STAB1: variants seen among roughly 807,000 people sequenced by gnomAD.
STAB1 encodes the protein stabilin 1, also known as stabilin-1.
A neutral mutation model predicts 332.4 loss-of-function variants in STAB1; 250 were observed. The ratio of observed to expected loss-of-function variants is 0.75; its 90% CI spans 0.68 to 0.84. The LOEUF is 0.84. Ranked by LOEUF, STAB1 falls within the 40% of genes least tolerant of loss-of-function variation. STAB1 has a pLI of 0.00. For missense variants in STAB1, 3,249 were observed against 3,489.7 expected (o/e 0.93, Z 1.74); for synonymous variants, 1,475 against 1,390.4 (o/e 1.06, Z -1.35).
Position 52,522,627 on chromosome 3 carries a change from C to T in STAB1, c.6683C>T (p.Ala2228Val), listed in dbSNP as rs751251539. The T allele has an allele frequency of 1.4e-5, 23 of 1,612,854 alleles. No homozygotes were observed. Among genetic ancestry groups the T allele is most frequent in the Middle Eastern group, 1.6e-4 (1 of 6,084 alleles). Reference sequence around the variant, plus strand: ...GGTCTGAACTTTTCGGAGGCTGAGGCGGCATGCGAAGCACAGGGAGCCGTC... The same window carrying T: ...GGTCTGAACTTTTCGGAGGCTGAGGTGGCATGCGAAGCACAGGGAGCCGTC... ...PYGLNFSEAE[A>V]ACEAQGAVLA... is the part of the protein sequence containing the mutation. Residue 2228 changes from alanine to valine, a missense_variant, in exon 61 of 69, where the codon GCG (alanine) becomes GTG (valine). Coordinates refer to ENST00000321725, the MANE Select transcript of STAB1 (RefSeq NM_015136.3).
chr3:52,514,484 C>A lies in STAB1; in HGVS notation c.3666C>A (p.Asn1222Lys), dbSNP rs1440187431. The A allele has an allele frequency of 1.3e-6, 2 of 1,526,534 alleles. No homozygotes were observed. The highest frequency in any genetic ancestry group is 8.8e-7 in the Non-Finnish European group (1 of 1,137,694). The allele number at this position is 1,526,534 out of a possible 1,614,324, so 94.6% of individuals were successfully genotyped here. ...LGPAHWIVFYNHSGQPEVNHV... is the reference protein window; with the variant it reads ...LGPAHWIVFYKHSGQPEVNHV... ...CTGCCCACTGGATCGTCTTCTACAA[C>A]CACAGTGGCCAGGTTTGGGGGTCAG... is the stretch of plus-strand genomic sequence containing the variant. The change falls in exon 34 of 69, where the codon AAC (asparagine) becomes AAA (lysine). Residue 1222 changes from asparagine (N) to lysine (K), a missense_variant. Asn to Lys is a moderately conservative substitution (Grantham distance 94). Coordinates refer to ENST00000321725, the MANE Select transcript of STAB1 (RefSeq NM_015136.3).
At position 52,509,220 on chromosome 3, in the gene STAB1, G is replaced by A; in HGVS notation, c.2246G>A (p.Gly749Glu). ...PCYGKGNCSD[G>E]IQGNGACLCF... is the part of the protein sequence containing the mutation. ...CTGCTCACTCTCTAGTGCAGTGATGGGATCCAGGGCAATGGGGCCTGCCTC... is the reference window on the plus strand; with the variant it reads ...CTGCTCACTCTCTAGTGCAGTGATGAGATCCAGGGCAATGGGGCCTGCCTC... The change falls in exon 22 of 69, where the codon GGG becomes GAG. Residue 749 changes from glycine (G) to glutamate (E), a missense_variant. Physicochemically the swap from Gly to Glu is moderately conservative, Grantham distance 98. Transcript: ENST00000321725. 1 of 1,613,512 alleles carries A rather than the reference G, an allele frequency of 6.2e-7. No homozygotes were observed. The highest frequency in any genetic ancestry group is 8.5e-7 in the Non-Finnish European group (1 of 1,179,886).
chr3:52,521,647 G>A lies in STAB1; in HGVS notation c.6110G>A (p.Gly2037Asp). 6.2e-7 allele frequency: 1 copy of A among 1,613,112 alleles called. No homozygotes were observed. The highest frequency in any genetic ancestry group is 8.5e-7 in the Non-Finnish European group (1 of 1,179,930). The change falls in exon 57 of 69, where the codon GGC becomes GAC. Residue 2037 changes from glycine to aspartate, a missense_variant. By Grantham distance (94) the Gly-to-Asp change is moderately conservative. Coordinates refer to ENST00000321725, the MANE Select transcript of STAB1 (RefSeq NM_015136.3). ...TGTGATGAGGGCCTTGGGGGCTCTG[G>A]CTCCTGCTTCTGTGATGAAGGCTGG... ...GRCDEGLGGS[G>D]SCFCDEGWTG...
At chr3:52,501,091 C>G in intron 1 of STAB1, 75 bp from the exon 2 acceptor site, 4 of 1,563,006 alleles carry the variant, frequency 2.6e-6, no homozygotes, top group Admixed American at 1.7e-5. Context: ...GGTGTGAGCC[C>G]TTGCAGCACT....
In STAB1 at chr3:52,514,824, C is replaced by T. The variant is rs1258527318; in HGVS notation, c.3802C>T (p.Leu1268=). Residue 1268 remains leucine, a synonymous_variant, in exon 35 of 69, where the codon CTG becomes TTG. Transcript: ENST00000321725. ...SRCLHSHAEA[L]REKCVNCTRR... is the part of the protein sequence containing the mutation. The stretch of plus-strand genomic sequence containing the variant: ...CTGCCTGCATAGCCACGCTGAGGCC[C>T]TGCGGGTGAGAGGCTGGGGCCACAG... 8 of 1,612,774 alleles carry T rather than the reference C, an allele frequency of 5.0e-6. No individual in the cohort carries two copies. In the African/African-American group the frequency reaches 6.7e-5, roughly 13 times the overall value.
chr3:52,500,389 T>C (rs1292937066), intron 1 of STAB1, among the ~76,000 whole-genome samples: 3 of 152,226 alleles, frequency 2.0e-5, no homozygotes, highest in East Asian at 3.8e-4. Flanking sequence ...TGGCCCGTTG[T>C]CTCCTGTGAC....
Position 52,509,205 on chromosome 3 carries a change from T to G in STAB1, c.2236-5T>G, listed in dbSNP as rs1709107653. ...GACTGATCCTGCCTTCTGCTCACTC[T>G]CTAGTGCAGTGATGGGATCCAGGGC... On this transcript the variant is annotated splice_region_variant and splice_polypyrimidine_tract_variant and intron_variant, in intron 21 of 68. Transcript: ENST00000321725. The G allele has an allele frequency of 7.4e-6, 12 of 1,612,986 alleles. No homozygotes were observed. The highest frequency in any genetic ancestry group is 1.0e-5 in the Non-Finnish European group (12 of 1,179,514).
rs780357271 is a variant in STAB1 at position 52,524,117 on chromosome 3, TGAC to T, written c.7564_7566del (p.Asp2522del). ...GCTCCCAGGCGGAAGATGATGCTGA[TGAC>T]GACTTCTCACCGTGGCAAGAAGGGA... is the stretch of plus-strand genomic sequence containing the variant. On this transcript the variant is annotated inframe_deletion, in exon 68 of 69. Coordinates refer to ENST00000321725, the MANE Select transcript of STAB1 (RefSeq NM_015136.3). 1.1e-5 allele frequency: 17 copies of T among 1,613,622 alleles called. No individual in the cohort carries two copies. In the Admixed American group the frequency reaches 1.5e-4, roughly 14 times the overall value.
At chr3:52,508,854 AG>A (rs1189030994) in intron 21 of STAB1, among the ~76,000 whole-genome samples, 3 of 149,534 alleles carry the variant, frequency 2.0e-5, no homozygotes, top group Non-Finnish European at 4.5e-5. Context: ...TAATAATAAT[AG>A]ATAGATAGAT....
rs370211441 is a variant in STAB1, at chr3:52,519,421, C to T, written c.5175+17C>T. On this transcript the variant is annotated intron_variant, in intron 49 of 68. Transcript: ENST00000321725. ...ATCCCGAGGGTATGACAAGCACGGGCCTGGGAGCTGGAAGACAGGCAGGTG... is the reference window on the plus strand; with the variant it reads ...ATCCCGAGGGTATGACAAGCACGGGTCTGGGAGCTGGAAGACAGGCAGGTG... 3.7e-6 allele frequency: 6 copies of T among 1,612,280 alleles called. No homozygotes were observed. The highest frequency in any genetic ancestry group is 5.1e-6 in the Non-Finnish European group (6 of 1,179,394).
In STAB1 at chr3:52,514,098, C is replaced by T; in HGVS notation, c.3448-17C>T. 6.2e-7 allele frequency: 1 copy of T among 1,612,618 alleles called. No homozygotes were observed. Among genetic ancestry groups the T allele is most frequent in the East Asian group, 2.2e-5 (1 of 44,870 alleles). On this transcript the variant is annotated splice_polypyrimidine_tract_variant and intron_variant, in intron 32 of 68. Transcript: ENST00000321725. Reference sequence around the variant, plus strand: ...GACAACTAATATGCCCATCCCTGACCTCCACCCCATCCCTAGCACCATGGG... The same window carrying T: ...GACAACTAATATGCCCATCCCTGACTTCCACCCCATCCCTAGCACCATGGG...
chr3:52,515,546 A>G (rs2153233757), intron 37 of STAB1, 40 bp downstream of exon 37: 3 of 1,607,934 alleles, frequency 1.9e-6, no homozygotes, highest in Non-Finnish European at 2.5e-6. Context: ...GTCCAGAGAG[A>G]AGGAGGTGGG....
Position 52,519,569 on chromosome 3 carries a change from T to C in STAB1, c.5235+5T>C. Reference sequence around the variant, plus strand: ...ATCTTCAGCGGCCTCCTGAAGGTACTGCTCCCGTGTGGGCCTGTCATTGTG... The same window carrying C: ...ATCTTCAGCGGCCTCCTGAAGGTACCGCTCCCGTGTGGGCCTGTCATTGTG... On this transcript the variant is annotated splice_donor_5th_base_variant and intron_variant, in intron 50 of 68. Coordinates refer to ENST00000321725, the MANE Select transcript of STAB1 (RefSeq NM_015136.3). The C allele has an allele frequency of 6.2e-7, 1 of 1,613,094 alleles. No homozygotes were observed. Among genetic ancestry groups the C allele is most frequent in the Non-Finnish European group, 8.5e-7 (1 of 1,179,952 alleles).
At chr3:52,506,633 A>T in intron 17 of STAB1, 59 bp from the exon 18 acceptor site, 1 of 1,524,124 alleles carries the variant, frequency 6.6e-7, no homozygotes, top group Non-Finnish European at 8.8e-7. Flanking sequence ...GGAGGTGGGC[A>T]GCCCCACCGG....
intron 35 of STAB1, 55 bp downstream of exon 35, chr3:52,514,884 C>G: frequency 6.2e-7 from 1 of 1,612,818 alleles, no homozygotes. Context: ...CTGGGAGGGC[C>G]TAGCTGACCT....
chr3:52,518,235 G>A (rs1034652272), intron 45 of STAB1, 77 bp from the exon 46 acceptor site: 2 of 1,596,708 alleles, frequency 1.3e-6, no homozygotes, highest in East Asian at 4.5e-5. Flanking sequence ...GCTAGACCTT[G>A]GGCCGCAGGT....
chr3:52,504,774 C>T lies in STAB1; in HGVS notation c.1275C>T (p.Ile425=). Residue 425 remains isoleucine, a synonymous_variant, in exon 12 of 69, where the codon ATC becomes ATT. Transcript: ENST00000321725. The part of the protein sequence containing the change: ...SLAQQLCRQH[I]IAGQHILEDT... ...CCCAGCAGCTCTGTAGACAGCACAT[C>T]ATCGCAGGGCAGCACATCCTGGAGG... The T allele has an allele frequency of 6.2e-7, 1 of 1,613,916 alleles. No individual in the cohort carries two copies. Among genetic ancestry groups the T allele is most frequent in the East Asian group, 2.2e-5 (1 of 44,892 alleles).
At chr3:52,496,244 C>T (rs1042007652) in intron 1 of STAB1, among the ~76,000 whole-genome samples, 5 of 152,262 alleles carry the variant, frequency 3.3e-5, no homozygotes, top group African/African-American at 1.2e-4. Flanking sequence ...TGACAGGCTC[C>T]TGGCTGCAGG....
In STAB1 at chr3:52,505,906, G is replaced by T. The variant is rs146449226; in HGVS notation, c.1719G>T (p.Leu573Phe). 5 of 1,613,810 alleles carry T rather than the reference G, an allele frequency of 3.1e-6. No homozygotes were observed. In the African/African-American group the frequency reaches 6.7e-5, roughly 22 times the overall value. The stretch of plus-strand genomic sequence containing the variant: ...AGGGTCTCTCTAAACTGCAGGAGTT[G>T]GTGCGGTACCACATCTACAACCACG... Reference protein sequence around the residue: ...FTAGLSKLQELVRYHIYNHGQ... With the variant: ...FTAGLSKLQEFVRYHIYNHGQ... The change falls in exon 16 of 69, where the codon TTG becomes TTT. Residue 573 changes from leucine (L) to phenylalanine (F), a missense_variant. Transcript: ENST00000321725.
Sources: allele counts gnomAD v4.1 joint callset (sites outside exome capture counted in the v4.1 genomes callset), GRCh38; gene constraint gnomAD v4.1.1; transcripts MANE v1.5; gene names NCBI Gene and HGNC (gene_info 2026-07-23, HGNC 2026-07-21).